PTPRR: variants seen among roughly 807,000 people sequenced by gnomAD.
PTPRR encodes the protein receptor-type tyrosine-protein phosphatase R.
PTPRR carries 38 observed loss-of-function variants against 77.2 expected under a neutral mutation model. The observed-to-expected ratio is 0.49, with a 90% CI of 0.38 to 0.65. PTPRR has a LOEUF of 0.65. Ranked by LOEUF, PTPRR falls within the 30% of genes least tolerant of loss-of-function variation. The probability of loss-of-function intolerance (pLI) is 0.00; values close to 1 mark genes in which losing one functional copy is unlikely to be tolerated. For missense variants in PTPRR, 744 were observed against 799.2 expected, an observed-to-expected ratio of 0.93 and a Z score of 0.83; for synonymous variants, 299 against 283.1, an observed-to-expected ratio of 1.06 and a Z score of -0.57.
chr12:70,852,252 T>C (rs1293136606), intron 2 of PTPRR, among the ~76,000 whole-genome samples: 2 of 151,998 alleles, frequency 1.3e-5, no homozygotes, highest in African/African-American at 4.8e-5. Context: ...CAGGGACAAA[T>C]CAATTATTCA....
At chr12:70,915,342 A>C (rs1175513634) in intron 1 of PTPRR, among the ~76,000 whole-genome samples, 1 of 152,218 alleles carries the variant, frequency 6.6e-6, no homozygotes, top group African/African-American at 2.4e-5. Flanking sequence ...TGCATAATGC[A>C]TCCCAGAATT....
chr12:70,859,701 A>C (rs1298254949), intron 2 of PTPRR, among the ~76,000 whole-genome samples: 1 of 152,080 alleles, frequency 6.6e-6, no homozygotes, highest in East Asian at 1.9e-4. Flanking sequence ...AGAAATAGGC[A>C]ACAAATATAT....
rs537187995 is a variant in PTPRR at position 70,652,408 on chromosome 12, A to G, written c.1880+4296T>C. 2.8e-4 allele frequency among the ~76,000 whole-genome samples: 42 copies of G among 152,226 alleles called. 1 individual carries two copies. The highest frequency in any genetic ancestry group is 5.9e-4 in the Admixed American group (9 of 15,288). ...GTGTACAACAGAAGGAAGAGACAAG[A>G]AAAGGAAAACATATGTTGATCCTGT... On this transcript the variant is annotated intron_variant, in intron 13 of 13. Transcript: ENST00000283228.
intron 6 of PTPRR, among the ~76,000 whole-genome samples, chr12:70,702,649 T>C (rs1181923774): frequency 2.0e-5 from 3 of 152,208 alleles, no homozygotes; most frequent in Non-Finnish European, 2.9e-5. Flanking sequence ...AATCTGCCTC[T>C]GGTTGCATTT....
At chr12:70,821,526 C>T (rs919721147) in intron 2 of PTPRR, among the ~76,000 whole-genome samples, 3 of 150,130 alleles carry the variant, frequency 2.0e-5, no homozygotes, top group Non-Finnish European at 3.0e-5. Context: ...TGCCCGGCTG[C>T]GATCACTCTT....
chr12:70,640,441 A>G (rs76914467), intron 13 of PTPRR, among the ~76,000 whole-genome samples: 7,488 of 152,234 alleles, frequency 0.049, 377 homozygotes, highest in East Asian at 0.15. Flanking sequence ...AAGTGATGGA[A>G]TCACAGGCTT....
In PTPRR at chr12:70,656,898, A is replaced by C. The variant is rs1002668555; in HGVS notation, c.1767-81T>G. 5 of 953,280 alleles carry C rather than the reference A, an allele frequency of 5.2e-6. No homozygotes were observed. The East Asian group carries it at 9.8e-5, about 19-fold the overall frequency. The allele number at this position is 953,280 out of a possible 1,614,324, so 59.1% of individuals were successfully genotyped here. The stretch of plus-strand genomic sequence containing the variant: ...ACATTCTTTTACAAGGGTACTTTTA[A>C]ATCTGAAACCACAGTTAAAAGTAGT... On this transcript the variant is annotated intron_variant, in intron 12 of 13. Transcript: ENST00000283228.
chr12:70,752,227 A>G (rs770280342), intron 5 of PTPRR, among the ~76,000 whole-genome samples: 9 of 152,212 alleles, frequency 5.9e-5, no homozygotes, highest in Non-Finnish European at 1.0e-4. Context: ...ACCCGCAGAG[A>G]ATATTCTGCA....
chr12:70,656,965 G>T, intron 12 of PTPRR, 148 bp from the exon 13 acceptor site: 5 of 275,196 alleles, frequency 1.8e-5, no homozygotes, highest in Non-Finnish European at 3.4e-5. Context: ...TGTGCTAAGT[G>T]CTTAAAATAT....
At chr12:70,700,510 C>T (rs148642994) in intron 7 of PTPRR, among the ~76,000 whole-genome samples, 1 of 152,230 alleles carries the variant, frequency 6.6e-6, no homozygotes, top group Non-Finnish European at 1.5e-5. Context: ...ACCAAAAACA[C>T]GAATATCAAT....
intron 2 of PTPRR, among the ~76,000 whole-genome samples, chr12:70,837,001 A>C (rs181042783): frequency 9.2e-5 from 14 of 152,208 alleles, no homozygotes; most frequent in Non-Finnish European, 2.1e-4. Context: ...CTTATTTAAA[A>C]TATTTTGCAA....
chr12:70,683,347 A>G (rs1448143490), intron 10 of PTPRR, among the ~76,000 whole-genome samples: 1 of 152,214 alleles, frequency 6.6e-6, no homozygotes, highest in Non-Finnish European at 1.5e-5. Context: ...GAATATTACA[A>G]TTGTATTTTT....
Position 70,764,793 on chromosome 12 carries a change from C to T in PTPRR, c.358-15G>A. The T allele has an allele frequency of 1.3e-6, 2 of 1,565,862 alleles. No homozygotes were observed. The highest frequency in any genetic ancestry group is 1.8e-6 in the Non-Finnish European group (2 of 1,136,230). ...ATTTGCAGTGTCTAGAAAATAAGGA[C>T]AAAAATAAATCCAAATTATAGTATT... On this transcript the variant is annotated splice_polypyrimidine_tract_variant and intron_variant, in intron 2 of 13. Transcript: ENST00000283228.
intron 7 of PTPRR, among the ~76,000 whole-genome samples, chr12:70,699,617 T>A (rs1374379744): frequency 6.6e-6 from 1 of 152,154 alleles, no homozygotes; most frequent in Admixed American, 6.5e-5. Context: ...TGGCCCCAAG[T>A]TACTTATTTT....
intron 2 of PTPRR, among the ~76,000 whole-genome samples, chr12:70,876,805 G>A (rs1400769698): frequency 2.6e-5 from 4 of 152,106 alleles, no homozygotes; most frequent in Non-Finnish European, 5.9e-5. Context: ...GAACTCAAAG[G>A]AAAATCGCTA....
chr12:70,691,296 G>T (rs1297520844), intron 8 of PTPRR, among the ~76,000 whole-genome samples: 1 of 152,096 alleles, frequency 6.6e-6, no homozygotes, highest in East Asian at 1.9e-4. Context: ...TTCAAAAACT[G>T]TTGACTGTAT....
chr12:70,878,845 C>G (rs987618519), intron 2 of PTPRR, among the ~76,000 whole-genome samples: 1 of 152,152 alleles, frequency 6.6e-6, no homozygotes, highest in African/African-American at 2.4e-5. Flanking sequence ...AGACTTGGAA[C>G]CAACCCAAAT....
At chr12:70,727,951 AT>A (rs1889502231) in intron 6 of PTPRR, among the ~76,000 whole-genome samples, 1 of 152,200 alleles carries the variant, frequency 6.6e-6, no homozygotes, top group Admixed American at 6.5e-5. Flanking sequence ...TGTAAGTCTA[AT>A]AATCAAAACA....
chr12:70,776,972 C>T (rs776760315), intron 2 of PTPRR, among the ~76,000 whole-genome samples: 7 of 151,966 alleles, frequency 4.6e-5, no homozygotes, highest in Non-Finnish European at 8.8e-5. Context: ...CATCCTAATC[C>T]GCAGAAATAA....
Sources: allele counts gnomAD v4.1 joint callset (sites outside exome capture counted in the v4.1 genomes callset), GRCh38; gene constraint gnomAD v4.1.1; transcripts MANE v1.5; gene names NCBI Gene and HGNC (gene_info 2026-07-23, HGNC 2026-07-21).